Variants in TBC1D9B observed in about 807,000 individuals in gnomAD.
The protein encoded by TBC1D9B is TBC1 domain family member 9B, also known as TBC1 domain family, member 9B (with GRAM domain).
TBC1D9B carries 87 observed loss-of-function variants against 121.1 expected under a neutral mutation model. The ratio of observed to expected loss-of-function variants is 0.72; its 90% CI spans 0.60 to 0.86. The LOEUF is 0.86. Ranked by LOEUF, TBC1D9B falls within the 40% of genes least tolerant of loss-of-function variation. TBC1D9B has a pLI of 0.00. For missense variants in TBC1D9B, 1,540 were observed against 1,628.6 expected, an observed-to-expected ratio of 0.95 and a Z score of 0.94; for synonymous variants, 668 against 670.1, an observed-to-expected ratio of 1.00 and a Z score of 0.05.
At chr5:179,905,500 T>C (rs1206411410) in intron 1 of TBC1D9B, among the ~76,000 whole-genome samples, 2 of 152,202 alleles carry the variant, frequency 1.3e-5, no homozygotes, top group African/African-American at 4.8e-5. Context: ...AAATATAAAG[T>C]TTTTTCATTT....
intron 7 of TBC1D9B, 166 bp from the exon 8 acceptor site, chr5:179,879,955 C>A: frequency 1.3e-6 from 1 of 788,016 alleles, no homozygotes; most frequent in South Asian, 1.9e-5. Flanking sequence ...GCTGTGGCTG[C>A]AGCTCAGCCC....
intron 8 of TBC1D9B, 178 bp downstream of exon 8, chr5:179,879,450 C>A (rs948710942): frequency 3.5e-5 from 38 of 1,092,710 alleles, no homozygotes; most frequent in Non-Finnish European, 4.7e-5. Context: ...AGCAGGTCAG[C>A]GGAGCCCCCC....
At chr5:179,877,483 C>T (rs1184697075) in intron 10 of TBC1D9B, among the ~76,000 whole-genome samples, 2 of 151,570 alleles carry the variant, frequency 1.3e-5, no homozygotes, top group Non-Finnish European at 2.9e-5. Flanking sequence ...GCCAACATGG[C>T]GAGACCCCGT....
intron 10 of TBC1D9B, among the ~76,000 whole-genome samples, chr5:179,876,933 T>G (rs1033694628): frequency 3.4e-5 from 5 of 148,212 alleles, no homozygotes; most frequent in Admixed American, 1.3e-4. Flanking sequence ...TAACTGGGCG[T>G]GGTGGTGTGT....
At chr5:179,869,242 C>A in intron 17 of TBC1D9B, 1 of 252,738 alleles carries the variant, frequency 4.0e-6, no homozygotes, top group Non-Finnish European at 8.0e-6. Context: ...GGGAGATGAC[C>A]CCTCCTTGGA....
At chr5:179,867,601 C>T (rs779164371) in intron 18 of TBC1D9B, 177 bp downstream of exon 18, 72 of 1,489,682 alleles carry the variant, frequency 4.8e-5, no homozygotes, top group South Asian at 4.7e-4. Context: ...CCACAGGGGG[C>T]GGCCCCAGCC....
In TBC1D9B at chr5:179,879,421, C is replaced by T. The variant is rs1054496791; in HGVS notation, c.1416+207G>A. ...CCCTTCCCTTCAGAGGCCTGGAGTC[C>T]GTGGCAAACAGCACACTGAGCAGGT... On this transcript the variant is annotated intron_variant, in intron 8 of 20. Transcript: ENST00000355235. The T allele has an allele frequency of 3.6e-5, 36 of 1,012,178 alleles. No homozygotes were observed. The African/African-American group carries it at 4.4e-4, about 12-fold the overall frequency. 62.7% of individuals were successfully genotyped at this position (1,012,178 alleles called of 1,614,324 possible). A position where few individuals can be genotyped will look rare whatever the true frequency, so the allele number is the denominator to read the frequency against.
intron 18 of TBC1D9B, chr5:179,866,385 G>A (rs1381453939): frequency 6.4e-6 from 1 of 155,502 alleles, no homozygotes; most frequent in African/African-American, 2.4e-5. Context: ...TGCCGGAACT[G>A]GCGCGCACTA....
At chr5:179,905,986 T>A (rs1761299665) in intron 1 of TBC1D9B, among the ~76,000 whole-genome samples, 1 of 152,226 alleles carries the variant, frequency 6.6e-6, no homozygotes, top group African/African-American at 2.4e-5. Flanking sequence ...TTCAAGCGAT[T>A]CTCGTGCCTC....
intron 1 of TBC1D9B, among the ~76,000 whole-genome samples, chr5:179,906,755 TC>T (rs1013580788): frequency 6.6e-6 from 1 of 152,178 alleles, no homozygotes; most frequent in African/African-American, 2.4e-5. Flanking sequence ...AGGAGAAGCC[TC>T]CGTCTGCATC....
chr5:179,894,658 G>A (rs1038204069), intron 3 of TBC1D9B, 44 bp from the exon 4 acceptor site: 6 of 1,603,970 alleles, frequency 3.7e-6, no homozygotes, highest in African/African-American at 1.3e-5. Context: ...GCACAGTCCC[G>A]GACAGGTCAA....
In TBC1D9B at chr5:179,891,396, T is replaced by C. The variant is rs754760983; in HGVS notation, c.1027A>G (p.Ile343Val). The change falls in exon 6 of 21, where the codon ATC (isoleucine) becomes GTC (valine). Residue 343 changes from isoleucine (I) to valine (V), a missense_variant. Ile to Val is a conservative substitution (Grantham distance 29). Transcript: ENST00000355235. This position sits in a 1 kb window ranked among gnomAD's most constrained non-coding sequence, Gnocchi z 4.3. ...ATGCTGACCTCCCTCAGGGGTATGA[T>C]GAGGTGGCAAGCGTCCTCCTCCTTG... ...ASKEEDACHL[I>V]IPLREVTIVE... 1.9e-6 allele frequency: 3 copies of C among 1,614,180 alleles called. No individual in the cohort carries two copies. The highest frequency in any genetic ancestry group is 2.5e-6 in the Non-Finnish European group (3 of 1,180,026).
In TBC1D9B at chr5:179,893,556, G is replaced by A; in HGVS notation, c.578-89C>T. The stretch of plus-strand genomic sequence containing the variant: ...ATCTGTACCCCAGACCCATCCCAGG[G>A]AACTGCTCTCTGGGGGCAGCACTTC... On this transcript the variant is annotated intron_variant, in intron 4 of 20. Coordinates refer to ENST00000355235, the MANE Select transcript of TBC1D9B (RefSeq NM_015043.4). 6.0e-6 allele frequency: 9 copies of A among 1,495,942 alleles called. No individual in the cohort carries two copies. In the South Asian group the frequency reaches 1.2e-4, roughly 20 times the overall value. 92.7% of individuals were successfully genotyped at this position (1,495,942 alleles called of 1,614,324 possible).
At chr5:179,899,929 TA>T (rs1215028836) in intron 2 of TBC1D9B, among the ~76,000 whole-genome samples, 1 of 151,594 alleles carries the variant, frequency 6.6e-6, no homozygotes, top group Non-Finnish European at 1.5e-5. Context: ...CAACGGAAAT[TA>T]AAAAAAATGT....
chr5:179,867,435 A>G, intron 18 of TBC1D9B: 2 of 1,553,266 alleles, frequency 1.3e-6, no homozygotes, highest in Non-Finnish European at 1.7e-6. Flanking sequence ...CCTGCCTTCC[A>G]GGGACTGACC....
At chr5:179,864,675 G>A (rs972092467) in intron 20 of TBC1D9B, among the ~76,000 whole-genome samples, 3 of 152,288 alleles carry the variant, frequency 2.0e-5, no homozygotes, top group East Asian at 1.9e-4. Context: ...AATCCTCATC[G>A]CACGTGGTGC....
chr5:179,907,729 G>T lies in TBC1D9B; in HGVS notation c.93C>A (p.Gly31=). Residue 31 remains glycine, a synonymous_variant, in exon 1 of 21, where the codon GGC becomes GGA. Coordinates refer to ENST00000355235, the MANE Select transcript of TBC1D9B (RefSeq NM_015043.4). The surrounding 1 kb of genome is among the most constrained non-coding windows in gnomAD (Gnocchi z 5.3). Reference sequence around the variant, plus strand: ...CCGTAAGGCCGCCGCCCCTGCCGTGGCCCCGGCGTCGCTGCAGCACGAAGA... The same window carrying T: ...CCGTAAGGCCGCCGCCCCTGCCGTGTCCCCGGCGTCGCTGCAGCACGAAGA... The part of the protein sequence containing the change: ...NPFFVLQRRR[G]HGRGGGLTGL... 1 of 1,187,170 alleles carries T rather than the reference G, an allele frequency of 8.4e-7. No homozygotes were observed. The allele number at this position is 1,187,170 out of a possible 1,614,324, so 73.5% of individuals were successfully genotyped here. A position where few individuals can be genotyped will look rare whatever the true frequency, so the allele number is the denominator to read the frequency against.
intron 9 of TBC1D9B, 67 bp downstream of exon 9, chr5:179,878,980 C>A: frequency 6.4e-7 from 1 of 1,560,268 alleles, no homozygotes; most frequent in South Asian, 1.2e-5. Context: ...GACAGACGAG[C>A]TCACACGGGG....
In TBC1D9B at chr5:179,871,538, G is replaced by A; in HGVS notation, c.2416-8C>T. 2 of 1,612,322 alleles carry A rather than the reference G, an allele frequency of 1.2e-6. No individual in the cohort carries two copies. Among genetic ancestry groups the A allele is most frequent in the Non-Finnish European group, 1.7e-6 (2 of 1,179,220 alleles). On this transcript the variant is annotated splice_region_variant and splice_polypyrimidine_tract_variant and intron_variant, in intron 14 of 20. Transcript: ENST00000355235. ...CACAGGTATAGCTCGGACCTAGAAG[G>A]AAGGAGAAACAGGGTATATAGCTGG...
Sources: allele counts gnomAD v4.1 joint callset (sites outside exome capture counted in the v4.1 genomes callset), GRCh38; gene constraint gnomAD v4.1.1; non-coding constraint Gnocchi (gnomAD v3.1); transcripts MANE v1.5; gene names NCBI Gene and HGNC (gene_info 2026-07-23, HGNC 2026-07-21).